Variants in KIAA0930 observed in about 807,000 individuals in gnomAD.
KIAA0930 encodes the protein uncharacterized protein KIAA0930.
KIAA0930 carries 24 observed loss-of-function variants against 43.9 expected under a neutral mutation model. The observed-to-expected ratio is 0.55, with a 90% CI of 0.40 to 0.77. The LOEUF is 0.77. Ranked by LOEUF, KIAA0930 falls within the 30% of genes least tolerant of loss-of-function variation. The pLI, the probability that KIAA0930 is intolerant of heterozygous loss-of-function variation, is 0.00. For missense variants in KIAA0930, 461 were observed against 574.2 expected (o/e 0.80, Z 2.02); for synonymous variants, 259 against 216.4 (o/e 1.20, Z -1.73).
In KIAA0930 at chr22:45,213,222, C is replaced by A. The variant is rs1256018022; in HGVS notation, c.65-1115G>T. 6 of 1,036,446 alleles carry A rather than the reference C, an allele frequency of 5.8e-6. No individual in the cohort carries two copies. In the East Asian group the frequency reaches 2.4e-4, roughly 42 times the overall value. The allele number at this position is 1,036,446 out of a possible 1,614,324, so 64.2% of individuals were successfully genotyped here. On this transcript the variant is annotated intron_variant, in intron 1 of 9. Transcript: ENST00000336156. ...GGTTGACGTCAGCCACAACACTAAC[C>A]AAAGAACCAGGACTCACAGCCAGCC...
intron 8 of KIAA0930, among the ~76,000 whole-genome samples, chr22:45,199,293 T>C (rs1440025531): frequency 3.3e-5 from 5 of 152,156 alleles, no homozygotes; most frequent in African/African-American, 1.2e-4. Context: ...AGACTGTGCC[T>C]GGGCAGGACT....
rs777131849 is a variant in KIAA0930, at chr22:45,203,995, GAC to G, written c.517-12_517-11del. On this transcript the variant is annotated splice_polypyrimidine_tract_variant and intron_variant, in intron 5 of 9. Coordinates refer to ENST00000336156, the MANE Select transcript of KIAA0930 (RefSeq NM_001009880.2). Reference sequence around the variant, plus strand: ...TCATGTCGCTGAACACCTGGGCCAGGACACAAAGAGACAGGGACGTGACCATC... The same window carrying G: ...TCATGTCGCTGAACACCTGGGCCAGGACAAAGAGACAGGGACGTGACCATC... 1.2e-6 allele frequency: 2 copies of G among 1,613,596 alleles called. No homozygotes were observed. Among genetic ancestry groups the G allele is most frequent in the Non-Finnish European group, 1.7e-6 (2 of 1,179,774 alleles).
At position 45,195,964 on chromosome 22, in the gene KIAA0930, A is replaced by G. The variant is rs1320117849; in HGVS notation, c.*1212T>C. ...TCCTCTTCCTTTTCCCCCACAGAGA[A>G]GATCCCTAAACACATCACCGGAACC... On this transcript the variant is annotated 3_prime_UTR_variant, in exon 10 of 10. Transcript: ENST00000336156. The G allele has an allele frequency of 6.6e-6, 1 of 152,232 alleles. No individual in the cohort carries two copies. Among genetic ancestry groups the G allele is most frequent in the East Asian group, 1.9e-4 (1 of 5,208 alleles). 9.4% of individuals were successfully genotyped at this position (152,232 alleles called of 1,614,324 possible). A position where few individuals can be genotyped will look rare whatever the true frequency, so the allele number is the denominator to read the frequency against.
rs919167267 is a variant in KIAA0930, at chr22:45,212,635, C to G, written c.65-528G>C. On this transcript the variant is annotated intron_variant, in intron 1 of 9. Transcript: ENST00000336156. ...GCGGGAACCGCAGGGAGACAGCACC[C>G]GCCCCACCCCTGCCCCACGTCTGCG... The G allele has an allele frequency of 4.6e-6, 5 of 1,086,460 alleles. No individual in the cohort carries two copies. The African/African-American group carries it at 6.3e-5, about 14-fold the overall frequency. 67.3% of individuals were successfully genotyped at this position (1,086,460 alleles called of 1,614,324 possible).
intron 1 of KIAA0930, among the ~76,000 whole-genome samples, chr22:45,226,541 C>G (rs1379483555): frequency 6.6e-6 from 1 of 152,088 alleles, no homozygotes; most frequent in Non-Finnish European, 1.5e-5. Flanking sequence ...ACCTGCTGCC[C>G]GCCCCGACCC....
At chr22:45,219,352 C>A (rs1425096379) in intron 1 of KIAA0930, among the ~76,000 whole-genome samples, 2 of 152,192 alleles carry the variant, frequency 1.3e-5, no homozygotes, top group African/African-American at 4.8e-5. Flanking sequence ...TTTCCACTAA[C>A]CAGACCCTGG....
chr22:45,240,606 T>C (rs1025595317), intron 1 of KIAA0930, 34 bp downstream of exon 1: 1 of 1,485,374 alleles, frequency 6.7e-7, no homozygotes, highest in African/African-American at 1.4e-5. Flanking sequence ...CGCTCACCTC[T>C]CCCGGCCCGG....
In KIAA0930 at chr22:45,192,584, C is replaced by G. The variant is rs1337856908; in HGVS notation, c.*4592G>C. The G allele has an allele frequency of 1.3e-5, 2 of 152,230 alleles. No individual in the cohort carries two copies. Among genetic ancestry groups the G allele is most frequent in the African/African-American group, 4.8e-5 (2 of 41,454 alleles). 9.4% of individuals were successfully genotyped at this position (152,230 alleles called of 1,614,324 possible). On this transcript the variant is annotated 3_prime_UTR_variant, in exon 10 of 10. Transcript: ENST00000336156. The stretch of plus-strand genomic sequence containing the variant: ...AAACCATAAAAGATACCTATTTACA[C>G]CTAAACTGCCTGGCCTTCCAGAGCG...
rs930773525 is a variant in KIAA0930 at position 45,193,403 on chromosome 22, C to G, written c.*3773G>C. On this transcript the variant is annotated 3_prime_UTR_variant, in exon 10 of 10. Coordinates refer to ENST00000336156, the MANE Select transcript of KIAA0930 (RefSeq NM_001009880.2). ...TTAGAATATACTGGCTGCACAGGGC[C>G]TTTCCTCTGGGACATCTTTTAATGA... 5 of 152,106 alleles carry G rather than the reference C, an allele frequency of 3.3e-5. No homozygotes were observed. Among genetic ancestry groups the G allele is most frequent in the African/African-American group, 1.2e-4 (5 of 41,410 alleles). The allele number at this position is 152,106 out of a possible 1,614,324, so 9.4% of individuals were successfully genotyped here.
At chr22:45,198,698 C>T (rs150168528) in intron 8 of KIAA0930, among the ~76,000 whole-genome samples, 1,795 of 152,232 alleles carry the variant, frequency 0.012, 22 homozygotes, top group Middle Eastern at 0.034. Context: ...TGCCCAGGCT[C>T]GAGTGCAGTG....
intron 7 of KIAA0930, 62 bp downstream of exon 7, chr22:45,202,928 G>A: frequency 7.1e-7 from 1 of 1,405,490 alleles, no homozygotes; most frequent in Non-Finnish European, 9.7e-7. Flanking sequence ...TGAGCACGGG[G>A]GAGACGGTGG....
chr22:45,234,499 A>T (rs1295275192), intron 1 of KIAA0930, among the ~76,000 whole-genome samples: 5 of 152,172 alleles, frequency 3.3e-5, no homozygotes, highest in African/African-American at 7.2e-5. Context: ...CTTCCTTCCT[A>T]GTCCACACAA....
chr22:45,207,173 AT>A (rs902180073), intron 2 of KIAA0930, among the ~76,000 whole-genome samples: 1 of 121,464 alleles, frequency 8.2e-6, no homozygotes, highest in East Asian at 2.5e-4. Context: ...CACCTGGCTA[AT>A]TTTTTTCTGT....
chr22:45,208,159 G>A (rs542285617), intron 2 of KIAA0930, among the ~76,000 whole-genome samples: 2 of 152,168 alleles, frequency 1.3e-5, no homozygotes, highest in South Asian at 4.1e-4. Context: ...TGGCCAGGCC[G>A]CCATGGTACA....
intron 1 of KIAA0930, among the ~76,000 whole-genome samples, chr22:45,220,300 A>G (rs1299571436): frequency 6.6e-6 from 1 of 151,962 alleles, no homozygotes; most frequent in Non-Finnish European, 1.5e-5. Flanking sequence ...TAAAAATACA[A>G]AAAAATTAGC....
chr22:45,228,089 G>T (rs1169131346), intron 1 of KIAA0930, among the ~76,000 whole-genome samples: 1 of 152,188 alleles, frequency 6.6e-6, no homozygotes, highest in Non-Finnish European at 1.5e-5. Context: ...AGGAAATCTA[G>T]GACCCAAAGT....
In KIAA0930 at chr22:45,240,673, G is replaced by C. The variant is rs2083911372; in HGVS notation, c.31C>G (p.Arg11Gly). 6.7e-7 allele frequency: 1 copy of C among 1,495,682 alleles called. No individual in the cohort carries two copies. Among genetic ancestry groups the C allele is most frequent in the Non-Finnish European group, 8.8e-7 (1 of 1,131,026 alleles). 92.7% of individuals were successfully genotyped at this position (1,495,682 alleles called of 1,614,324 possible). The change falls in exon 1 of 10, where the codon CGT becomes GGT. Residue 11 changes from arginine (R) to glycine (G), a missense_variant. By Grantham distance (125) the Arg-to-Gly change is moderately radical. Transcript: ENST00000336156. ...CAGACCTCGCGGCGCAGGCTAAGAC[G>C]GCCGCGCTCCTCCGCTATGGCACGC... The part of the protein sequence containing the change: MLRAIAEERG[R>G]LSLRREVCGL...
chr22:45,231,021 G>A (rs1214847793), intron 1 of KIAA0930, among the ~76,000 whole-genome samples: 1 of 152,012 alleles, frequency 6.6e-6, no homozygotes, highest in African/African-American at 2.4e-5. Flanking sequence ...GACTGAGGCA[G>A]ATGGATCACC....
At chr22:45,239,056 T>C (rs533502687) in intron 1 of KIAA0930, among the ~76,000 whole-genome samples, 38 of 152,348 alleles carry the variant, frequency 2.5e-4, no homozygotes, top group African/African-American at 8.9e-4. Context: ...TCACTGTTCT[T>C]CTGGGAATGG....
Sources: gnomAD v4.1 joint callset for allele counts (sites outside exome capture counted in the v4.1 genomes callset) on GRCh38, gnomAD v4.1.1 for gene constraint, MANE v1.5 for transcripts, NCBI Gene and HGNC (gene_info 2026-07-23, HGNC 2026-07-21) for gene names.